Variants in ADAMTS20 observed in about 807,000 individuals in gnomAD.
The protein encoded by ADAMTS20 is ADAM metallopeptidase with thrombospondin type 1 motif 20.
A neutral mutation model predicts 260.1 loss-of-function variants in ADAMTS20; 225 were observed. The ratio of observed to expected loss-of-function variants is 0.87; its 90% CI spans 0.78 to 0.97. The LOEUF is 0.97. Among genes scored for constraint, ADAMTS20 ranks in the 50% least tolerant of loss-of-function variants. The pLI is 0.00. For synonymous variants in ADAMTS20, 802 were observed against 769.5 expected (o/e 1.04, Z -0.70); for missense variants, 2,400 against 2,337.7 (o/e 1.03, Z -0.55).
In ADAMTS20 at chr12:43,454,053, C is replaced by T. The variant is rs767064355; in HGVS notation, c.1615-1G>A. 4.4e-6 allele frequency: 7 copies of T among 1,608,402 alleles called. No homozygotes were observed. The South Asian group carries it at 4.4e-5, about 10-fold the overall frequency. On this transcript the variant is annotated splice_acceptor_variant, in intron 11 of 38. Transcript: ENST00000389420. LOFTEE classifies it high-confidence loss of function. The stretch of plus-strand genomic sequence containing the variant: ...TTACACATAGCCCATGACGGCAATG[C>T]TATAAAAATAATAAGCACAAAAAGA...
intron 36 of ADAMTS20, among the ~76,000 whole-genome samples, chr12:43,372,162 A>C (rs1940121816): frequency 6.6e-6 from 1 of 152,202 alleles, no homozygotes. Context: ...AATAGATGGT[A>C]CTTGAAATCT....
intron 4 of ADAMTS20, among the ~76,000 whole-genome samples, chr12:43,496,299 A>G (rs1200046045): frequency 6.6e-6 from 1 of 152,208 alleles, no homozygotes; most frequent in Non-Finnish European, 1.5e-5. Flanking sequence ...TAAGAACAGT[A>G]AGATACAGAG....
intron 7 of ADAMTS20, among the ~76,000 whole-genome samples, chr12:43,473,065 C>T (rs1942294653): frequency 1.7e-5 from 1 of 58,010 alleles, no homozygotes; most frequent in Non-Finnish European, 3.4e-5. Context: ...AGTCAAGACC[C>T]ATCAGTGTGC....
chr12:43,470,726 C>A (rs1156453057), intron 7 of ADAMTS20, among the ~76,000 whole-genome samples: 1 of 152,062 alleles, frequency 6.6e-6, no homozygotes, highest in African/African-American at 2.4e-5. Context: ...GGGACTGAGG[C>A]AACAATAAAC....
chr12:43,507,364 A>G (rs146191756), intron 3 of ADAMTS20, among the ~76,000 whole-genome samples: 58 of 152,316 alleles, frequency 3.8e-4, no homozygotes, highest in African/African-American at 1.2e-3. Flanking sequence ...CTGATGTAGC[A>G]GCACTGGATA....
At chr12:43,493,879 C>T (rs77027291) in intron 4 of ADAMTS20, among the ~76,000 whole-genome samples, 3,657 of 152,208 alleles carry the variant, frequency 0.024, 68 homozygotes, top group East Asian at 0.079. Flanking sequence ...TATAAACAGC[C>T]CTAGAAGAGG....
chr12:43,466,630 T>A (rs1942157034), intron 9 of ADAMTS20, 22 bp downstream of exon 9: 1 of 1,587,376 alleles, frequency 6.3e-7, no homozygotes, highest in Non-Finnish European at 8.6e-7. Flanking sequence ...CATGTTCAAT[T>A]ATTTAACATA....
At chr12:43,359,585 C>A (rs1939824616) in intron 37 of ADAMTS20, among the ~76,000 whole-genome samples, 3 of 152,282 alleles carry the variant, frequency 2.0e-5, no homozygotes, top group East Asian at 1.9e-4. Flanking sequence ...AGGACCCATG[C>A]TACTTTAACA....
chr12:43,530,571 G>A (rs1314179258), intron 3 of ADAMTS20, among the ~76,000 whole-genome samples: 2 of 152,120 alleles, frequency 1.3e-5, no homozygotes, highest in East Asian at 3.9e-4. Context: ...TCTCAAAACA[G>A]ATGGCATCAC....
intron 11 of ADAMTS20, among the ~76,000 whole-genome samples, chr12:43,455,382 T>A (rs1204137101): frequency 6.6e-6 from 1 of 152,178 alleles, no homozygotes; most frequent in African/African-American, 2.4e-5. Context: ...AGGTTTGGTG[T>A]CTGATGAGGC....
intron 2 of ADAMTS20, among the ~76,000 whole-genome samples, chr12:43,537,425 G>A (rs545553844): frequency 1.3e-5 from 2 of 152,196 alleles, no homozygotes; most frequent in East Asian, 3.9e-4. Context: ...GAGATATGGT[G>A]ATACAGGCAT....
chr12:43,367,612 C>T (rs1362064769), intron 37 of ADAMTS20, among the ~76,000 whole-genome samples: 1 of 152,052 alleles, frequency 6.6e-6, no homozygotes, highest in African/African-American at 2.4e-5. Flanking sequence ...GACTGAATGC[C>T]TTTTGCCTAA....
At chr12:43,384,624 G>A (rs558260027) in intron 29 of ADAMTS20, among the ~76,000 whole-genome samples, 18 of 152,094 alleles carry the variant, frequency 1.2e-4, no homozygotes, top group African/African-American at 4.1e-4. Flanking sequence ...CCCCTCGACA[G>A]GCCCCAGTGT....
chr12:43,484,341 T>C (rs1942488380), intron 7 of ADAMTS20, among the ~76,000 whole-genome samples: 1 of 152,068 alleles, frequency 6.6e-6, no homozygotes, highest in Non-Finnish European at 1.5e-5. Context: ...ATGAAATCTT[T>C]GAAATACCAG....
rs552047932 is a variant in ADAMTS20 at position 43,500,506 on chromosome 12, A to C, written c.867+1646T>G. Reference sequence around the variant, plus strand: ...CATACCAACATTTAGATAATTATTCATCTAGGTAATATATGTAGGTAATTT... The same window carrying C: ...CATACCAACATTTAGATAATTATTCCTCTAGGTAATATATGTAGGTAATTT... On this transcript the variant is annotated intron_variant, in intron 4 of 38. Coordinates refer to ENST00000389420, the MANE Select transcript of ADAMTS20 (RefSeq NM_025003.5). Among the ~76,000 whole-genome samples the C allele has an allele frequency of 2.0e-5, 3 of 152,220 alleles. No individual in the cohort carries two copies. In the East Asian group the frequency reaches 5.8e-4, roughly 29 times the overall value.
At chr12:43,358,418 C>T (rs991303783) in intron 37 of ADAMTS20, among the ~76,000 whole-genome samples, 1 of 152,046 alleles carries the variant, frequency 6.6e-6, no homozygotes. Context: ...ATGATGTTGA[C>T]GGAGGTAAAA....
chr12:43,514,983 A>C (rs936952400), intron 3 of ADAMTS20, among the ~76,000 whole-genome samples: 1 of 152,184 alleles, frequency 6.6e-6, no homozygotes, highest in African/African-American at 2.4e-5. Context: ...CATTAATCTT[A>C]TCTTCCTATT....
chr12:43,515,285 T>C (rs1406967299), intron 3 of ADAMTS20, among the ~76,000 whole-genome samples: 1 of 152,240 alleles, frequency 6.6e-6, no homozygotes, highest in African/African-American at 2.4e-5. Context: ...AATTCAAGTA[T>C]TGATATAATA....
At chr12:43,522,014 C>G (rs1158813940) in intron 3 of ADAMTS20, among the ~76,000 whole-genome samples, 1 of 152,098 alleles carries the variant, frequency 6.6e-6, no homozygotes, top group Non-Finnish European at 1.5e-5. Flanking sequence ...AAATTTAAAG[C>G]TGGCTGACAT....
Sources: gnomAD v4.1 joint callset for allele counts (sites outside exome capture counted in the v4.1 genomes callset) on GRCh38, gnomAD v4.1.1 for gene constraint, MANE v1.5 for transcripts, NCBI Gene and HGNC (gene_info 2026-07-23, HGNC 2026-07-21) for gene names.